Variants in SPOCK1 observed in about 807,000 individuals in gnomAD.
SPOCK1 encodes SPARC (osteonectin), cwcv and kazal like domains proteoglycan 1.
Under a neutral mutation model 55.3 loss-of-function variants are expected in SPOCK1, and 23 were observed. The observed-to-expected ratio is 0.42, with a 90% CI of 0.30 to 0.59. SPOCK1 has a LOEUF of 0.59. SPOCK1 is among the 20% of genes least tolerant of loss of function. The pLI is 0.22. For missense variants in SPOCK1, 499 were observed against 552.5 expected, an observed-to-expected ratio of 0.90 and a Z score of 0.97; for synonymous variants, 226 against 221.0, an observed-to-expected ratio of 1.02 and a Z score of -0.20.
At chr5:137,178,988 G>T (rs904911195) in intron 3 of SPOCK1, among the ~76,000 whole-genome samples, 1 of 152,234 alleles carries the variant, frequency 6.6e-6, no homozygotes, top group Non-Finnish European at 1.5e-5. Context: ...ACAATGGTGT[G>T]TTGGGTAGGG....
chr5:137,308,630 C>A (rs781038730), intron 2 of SPOCK1, among the ~76,000 whole-genome samples: 4 of 152,170 alleles, frequency 2.6e-5, no homozygotes, highest in Non-Finnish European at 5.9e-5. Flanking sequence ...GACCCCTAGC[C>A]CAGGGGTGGT....
chr5:137,077,224 C>T lies in SPOCK1; in HGVS notation c.475-9395G>A, dbSNP rs193302110. 1.3e-3 allele frequency among the ~76,000 whole-genome samples: 203 copies of T among 152,300 alleles called. 3 individuals carry two copies. The highest frequency in any genetic ancestry group is 4.7e-3 in the African/African-American group (195 of 41,566). ...CAGGCGTGAGCCACCGCGCCCGGCCCCCGCAGATTTAATTTTTAATTCAAC... is the reference window on the plus strand; with the variant it reads ...CAGGCGTGAGCCACCGCGCCCGGCCTCCGCAGATTTAATTTTTAATTCAAC... On this transcript the variant is annotated intron_variant, in intron 5 of 10. Transcript: ENST00000394945.
chr5:137,054,386 T>C (rs2126999405), intron 6 of SPOCK1, among the ~76,000 whole-genome samples: 1 of 152,258 alleles, frequency 6.6e-6, no homozygotes, highest in East Asian at 1.9e-4. Context: ...AGGCAAATAA[T>C]AGACAAGTGC....
chr5:137,218,469 T>G (rs900733017), intron 3 of SPOCK1, among the ~76,000 whole-genome samples: 1 of 152,262 alleles, frequency 6.6e-6, no homozygotes, highest in Admixed American at 6.5e-5. Context: ...TTGTTCTGAT[T>G]GAAATGAACA....
chr5:137,254,471 GT>G (rs1202677143), intron 3 of SPOCK1, among the ~76,000 whole-genome samples: 1 of 152,148 alleles, frequency 6.6e-6, no homozygotes, highest in Admixed American at 6.5e-5. Context: ...TAATCATTCT[GT>G]TAGTTGCTGA....
chr5:137,419,105 G>A (rs538577579), intron 2 of SPOCK1, among the ~76,000 whole-genome samples: 3 of 152,136 alleles, frequency 2.0e-5, no homozygotes, highest in Admixed American at 6.5e-5. Flanking sequence ...AAGATCAGAT[G>A]GTTGTAGATA....
At chr5:137,093,256 A>G (rs1168691136) in intron 5 of SPOCK1, among the ~76,000 whole-genome samples, 1 of 152,160 alleles carries the variant, frequency 6.6e-6, no homozygotes, top group Non-Finnish European at 1.5e-5. Flanking sequence ...TGAGATCCTG[A>G]AAGAGCAATT....
At chr5:137,275,750 C>A (rs550304985) in intron 2 of SPOCK1, among the ~76,000 whole-genome samples, 3 of 152,312 alleles carry the variant, frequency 2.0e-5, no homozygotes, top group East Asian at 1.9e-4. Context: ...CTAAGAGTCT[C>A]CAGCTCATTA....
At chr5:137,131,556 A>C (rs1753876859) in intron 4 of SPOCK1, among the ~76,000 whole-genome samples, 1 of 150,850 alleles carries the variant, frequency 6.6e-6, no homozygotes. Context: ...TGCAGTGAGC[A>C]GAGATCATGC....
intron 7 of SPOCK1, among the ~76,000 whole-genome samples, chr5:136,991,677 A>T (rs1299217276): frequency 6.6e-6 from 1 of 152,228 alleles, no homozygotes; most frequent in African/African-American, 2.4e-5. Flanking sequence ...CAAACTACAT[A>T]TATCAAATAA....
At chr5:137,013,597 T>C (rs952146453) in intron 6 of SPOCK1, among the ~76,000 whole-genome samples, 7 of 152,206 alleles carry the variant, frequency 4.6e-5, no homozygotes. Context: ...GATCTATGTG[T>C]AGTCCGAATG....
At chr5:137,358,890 AC>A (rs1487891093) in intron 2 of SPOCK1, among the ~76,000 whole-genome samples, 1 of 152,214 alleles carries the variant, frequency 6.6e-6, no homozygotes, top group Non-Finnish European at 1.5e-5. Context: ...GACTCTAGGT[AC>A]CCTGAACTCC....
Position 136,978,553 on chromosome 5 carries a change from T to G in SPOCK1, c.*101A>C. ...TTAGGTCGGGTATAGAGAGCAACAA[T>G]GGAGAAGAGACCTTGGTGCCTTGGA... On this transcript the variant is annotated 3_prime_UTR_variant, in exon 11 of 11. Transcript: ENST00000394945. The G allele has an allele frequency of 1.5e-6, 2 of 1,309,910 alleles. No homozygotes were observed. The highest frequency in any genetic ancestry group is 2.1e-6 in the Non-Finnish European group (2 of 953,754). The allele number at this position is 1,309,910 out of a possible 1,614,324, so 81.1% of individuals were successfully genotyped here.
intron 2 of SPOCK1, among the ~76,000 whole-genome samples, chr5:137,461,623 T>C (rs1753491089): frequency 6.6e-6 from 1 of 152,206 alleles, no homozygotes. Context: ...CAAGTCACAG[T>C]GTGCTCCAGG....
At chr5:137,097,743 T>C (rs1046957061) in intron 5 of SPOCK1, among the ~76,000 whole-genome samples, 1 of 152,202 alleles carries the variant, frequency 6.6e-6, no homozygotes, top group African/African-American at 2.4e-5. Context: ...GCTCACTACA[T>C]GTTGGCAAAA....
chr5:137,247,002 T>C (rs1478672721), intron 3 of SPOCK1, among the ~76,000 whole-genome samples: 2 of 152,278 alleles, frequency 1.3e-5, no homozygotes, highest in East Asian at 3.9e-4. Flanking sequence ...CTCACATGTC[T>C]TCAGGACACT....
intron 3 of SPOCK1, among the ~76,000 whole-genome samples, chr5:137,243,446 T>C (rs1384318967): frequency 6.6e-6 from 1 of 152,056 alleles, no homozygotes; most frequent in African/African-American, 2.4e-5. Flanking sequence ...TTTCTGAAAT[T>C]GATAGAAAAA....
intron 2 of SPOCK1, among the ~76,000 whole-genome samples, chr5:137,312,753 G>A (rs1339245854): frequency 6.6e-6 from 1 of 152,180 alleles, no homozygotes; most frequent in East Asian, 1.9e-4. Flanking sequence ...GCTGTGTATA[G>A]AGGTTCTGAA....
At chr5:137,472,667 A>T (rs1279334225) in intron 2 of SPOCK1, among the ~76,000 whole-genome samples, 5 of 152,254 alleles carry the variant, frequency 3.3e-5, no homozygotes, top group Non-Finnish European at 7.3e-5. Flanking sequence ...AAGATTATTC[A>T]TTACAGCATT....
Sources: allele counts gnomAD v4.1 joint callset (sites outside exome capture counted in the v4.1 genomes callset), GRCh38; gene constraint gnomAD v4.1.1; transcripts MANE v1.5; gene names NCBI Gene and HGNC (gene_info 2026-07-23, HGNC 2026-07-21).